The following IL15 variants were observed in gnomAD, a reference collection of about 807,000 sequenced individuals.
IL15 encodes interleukin 15, also known as interleukin-15.
A neutral mutation model predicts 19.6 loss-of-function variants in IL15; 11 were observed. The ratio of observed to expected loss-of-function variants is 0.56; its 90% CI spans 0.35 to 0.93. The LOEUF (loss-of-function observed/expected upper bound fraction) is 0.93. IL15 is among the 40% of genes least tolerant of loss of function. IL15 has a pLI of 0.01. For missense variants in IL15, 197 were observed against 186.5 expected (o/e 1.06, Z -0.33); for synonymous variants, 58 against 59.6 (o/e 0.97, Z 0.12).
chr4:141,732,172 C>T (rs1730472664), intron 7 of IL15, among the ~76,000 whole-genome samples: 1 of 152,040 alleles, frequency 6.6e-6, no homozygotes, highest in African/African-American at 2.4e-5. Flanking sequence ...TGAGTCCAGC[C>T]CTAGGAGCCC....
At chr4:141,672,443 A>G (rs1728206220) in intron 2 of IL15, among the ~76,000 whole-genome samples, 1 of 152,198 alleles carries the variant, frequency 6.6e-6, no homozygotes, top group African/African-American at 2.4e-5. Context: ...AAGTAGTTTC[A>G]ATATCATTTC....
At chr4:141,711,472 A>G (rs2152186216) in intron 2 of IL15, among the ~76,000 whole-genome samples, 1 of 152,238 alleles carries the variant, frequency 6.6e-6, no homozygotes, top group African/African-American at 2.4e-5. Context: ...AATAAGGACA[A>G]TCTGTTTATA....
intron 1 of IL15, among the ~76,000 whole-genome samples, chr4:141,640,656 A>T (rs1414232810): frequency 6.6e-6 from 1 of 152,182 alleles, no homozygotes; most frequent in African/African-American, 2.4e-5. Context: ...TTAGTTCAAT[A>T]ATATTATTTG....
chr4:141,712,023 T>G (rs1046586044), intron 2 of IL15, among the ~76,000 whole-genome samples: 1 of 152,142 alleles, frequency 6.6e-6, no homozygotes. Context: ...TGTTTTTCAA[T>G]TATCCCTTTT....
At chr4:141,690,182 G>T (rs1370057896) in intron 2 of IL15, among the ~76,000 whole-genome samples, 2 of 152,126 alleles carry the variant, frequency 1.3e-5, no homozygotes, top group Non-Finnish European at 2.9e-5. Context: ...ATGCCCACAC[G>T]GAACTCCAGC....
At chr4:141,683,532 C>G (rs1728608896) in intron 2 of IL15, among the ~76,000 whole-genome samples, 2 of 149,996 alleles carry the variant, frequency 1.3e-5, no homozygotes, top group Middle Eastern at 3.2e-3. Context: ...GATCGCGCCA[C>G]TGCACTCCAG....
intron 2 of IL15, chr4:141,718,136 G>A (rs1425574152): frequency 6.6e-6 from 1 of 152,196 alleles, no homozygotes; most frequent in Non-Finnish European, 1.5e-5. Flanking sequence ...GCAGGGTAGT[G>A]AAAATCCATT....
chr4:141,729,816 A>T (rs1646702363), intron 6 of IL15, 31 bp from the exon 7 acceptor site: 1 of 1,272,650 alleles, frequency 7.9e-7, no homozygotes, highest in African/African-American at 1.5e-5. Context: ...ATCAGAAAAA[A>T]GTAATTGTTC....
At chr4:141,682,581 A>T (rs1044174727) in intron 2 of IL15, among the ~76,000 whole-genome samples, 1 of 152,198 alleles carries the variant, frequency 6.6e-6, no homozygotes, top group Non-Finnish European at 1.5e-5. Flanking sequence ...TTTTCTCTTT[A>T]GTTCTCTCAG....
chr4:141,720,668 T>A, intron 4 of IL15, 102 bp downstream of exon 4: 1 of 756,260 alleles, frequency 1.3e-6, no homozygotes, highest in Admixed American at 2.0e-5. Flanking sequence ...TTTGCTTATA[T>A]CTCTAGGTAC....
intron 1 of IL15, among the ~76,000 whole-genome samples, chr4:141,650,066 G>A (rs1161679428): frequency 6.6e-6 from 1 of 152,038 alleles, no homozygotes; most frequent in Non-Finnish European, 1.5e-5. Context: ...TTACCTATGT[G>A]CCAAGCAGTA....
At chr4:141,680,266 A>G (rs1728489433) in intron 2 of IL15, among the ~76,000 whole-genome samples, 1 of 152,216 alleles carries the variant, frequency 6.6e-6, no homozygotes, top group Non-Finnish European at 1.5e-5. Flanking sequence ...GTATTTTATT[A>G]TAGCTGGAGG....
chr4:141,674,215 G>A (rs1728267557), intron 2 of IL15, among the ~76,000 whole-genome samples: 1 of 152,162 alleles, frequency 6.6e-6, no homozygotes, highest in Non-Finnish European at 1.5e-5. Flanking sequence ...AGTGTAGCAT[G>A]TATACAGATC....
intron 2 of IL15, among the ~76,000 whole-genome samples, chr4:141,698,779 C>T (rs555000670): frequency 1.3e-5 from 2 of 151,866 alleles, no homozygotes; most frequent in Non-Finnish European, 2.9e-5. Flanking sequence ...TTTCAAAGAA[C>T]CAGCTTTTTG....
At chr4:141,640,944 G>T (rs1178538699) in intron 1 of IL15, among the ~76,000 whole-genome samples, 5 of 152,210 alleles carry the variant, frequency 3.3e-5, no homozygotes, top group Admixed American at 3.3e-4. Context: ...TTGTAAGGTT[G>T]ATGGCGGTGG....
intron 1 of IL15, among the ~76,000 whole-genome samples, chr4:141,639,669 G>T (rs1311318857): frequency 6.6e-6 from 1 of 152,148 alleles, no homozygotes; most frequent in African/African-American, 2.4e-5. Context: ...AACTATTTGG[G>T]ACATCCTCTC....
At chr4:141,662,656 G>C (rs1727832103) in intron 2 of IL15, among the ~76,000 whole-genome samples, 1 of 151,922 alleles carries the variant, frequency 6.6e-6, no homozygotes, top group East Asian at 1.9e-4. Flanking sequence ...GGAGTATTTA[G>C]TTCATTTTTA....
intron 2 of IL15, chr4:141,715,959 C>T (rs1454387221): frequency 1.3e-5 from 2 of 151,986 alleles, no homozygotes; most frequent in Non-Finnish European, 2.9e-5. Flanking sequence ...GGTGTGAGCC[C>T]CGACAGTATC....
At chr4:141,721,871 A>G in intron 4 of IL15, 53 bp from the exon 5 acceptor site, 2 of 1,455,702 alleles carry the variant, frequency 1.4e-6, no homozygotes, top group South Asian at 1.3e-5. Context: ...TATAGTATTC[A>G]TCAAGATGAA....
Sources: allele counts gnomAD v4.1 joint callset (sites outside exome capture counted in the v4.1 genomes callset), GRCh38; gene constraint gnomAD v4.1.1; transcripts MANE v1.5; gene names NCBI Gene and HGNC (gene_info 2026-07-23, HGNC 2026-07-21).